Variants in LLGL2 observed in about 807,000 individuals in gnomAD.
LLGL2 encodes LLGL2, scribble cell polarity complex component.
Under a neutral mutation model 123.2 loss-of-function variants are expected in LLGL2, and 81 were observed. The ratio of observed to expected loss-of-function variants is 0.66; its 90% CI spans 0.55 to 0.79. The LOEUF (loss-of-function observed/expected upper bound fraction) is 0.79. Among genes scored for constraint, LLGL2 ranks in the 30% least tolerant of loss-of-function variants. The probability of loss-of-function intolerance (pLI) is 0.00; values close to 1 mark genes in which losing one functional copy is unlikely to be tolerated. For missense variants in LLGL2, 1,273 were observed against 1,414.6 expected, an observed-to-expected ratio of 0.90 and a Z score of 1.61; for synonymous variants, 577 against 594.1, an observed-to-expected ratio of 0.97 and a Z score of 0.42.
At position 75,558,633 on chromosome 17, in the gene LLGL2, G is replaced by T. The variant is rs151168645; in HGVS notation, c.371+6G>T. 1 of 1,587,252 alleles carries T rather than the reference G, an allele frequency of 6.3e-7. No homozygotes were observed. Among genetic ancestry groups the T allele is most frequent in the Non-Finnish European group, 8.6e-7 (1 of 1,165,888 alleles). Reference sequence around the variant, plus strand: ...ACACTGCGTGGACCCCCAGGGTAAGGGCTCAATCCCCAGCCCCTTCCACTC... The same window carrying T: ...ACACTGCGTGGACCCCCAGGGTAAGTGCTCAATCCCCAGCCCCTTCCACTC... On this transcript the variant is annotated splice_donor_region_variant and intron_variant, in intron 5 of 25. Transcript: ENST00000392550. This position sits in a 1 kb window ranked among gnomAD's most constrained non-coding sequence, Gnocchi z 4.0.
chr17:75,532,991 T>C (rs1435273302), intron 1 of LLGL2, among the ~76,000 whole-genome samples: 4 of 152,170 alleles, frequency 2.6e-5, no homozygotes, highest in Non-Finnish European at 5.9e-5. Flanking sequence ...TGTTCGTTCA[T>C]TCATTCAAGT....
intron 1 of LLGL2, among the ~76,000 whole-genome samples, chr17:75,536,888 C>T (rs1483331213): frequency 1.3e-5 from 2 of 152,020 alleles, no homozygotes; most frequent in East Asian, 1.9e-4. Context: ...AGTGCAGTGG[C>T]GCTATCTGGG....
Position 75,564,680 on chromosome 17 carries a change from T to C in LLGL2, c.1036+173T>C, listed in dbSNP as rs576237283. The C allele has an allele frequency of 6.5e-6, 7 of 1,078,252 alleles. No individual in the cohort carries two copies. In the East Asian group the frequency reaches 1.1e-4, roughly 17 times the overall value. The allele number at this position is 1,078,252 out of a possible 1,614,324, so 66.8% of individuals were successfully genotyped here. ...GAGTTCAAGTCCAGCCTGGACAACG[T>C]AGGGAGACCCTTGTCTCTACAAAAA... is the stretch of plus-strand genomic sequence containing the variant. On this transcript the variant is annotated intron_variant, in intron 10 of 25. Coordinates refer to ENST00000392550, the MANE Select transcript of LLGL2 (RefSeq NM_001031803.2). The surrounding 1 kb of genome is among the most constrained non-coding windows in gnomAD (Gnocchi z 4.9).
intron 2 of LLGL2, among the ~76,000 whole-genome samples, chr17:75,546,635 C>CGGTGGGAT (rs2054439607): frequency 1.4e-4 from 5 of 35,806 alleles, no homozygotes; most frequent in South Asian, 1.3e-3. Flanking sequence ...GTCCAGCAGA[C>CGGTGGGAT]AGGCGGAGGG....
chr17:75,565,121 G>T (rs751886332), intron 10 of LLGL2, among the ~76,000 whole-genome samples: 9 of 152,292 alleles, frequency 5.9e-5, no homozygotes, highest in East Asian at 1.9e-4. Flanking sequence ...CACCCACCCC[G>T]CTGAGGCAAG....
intron 14 of LLGL2, 116 bp downstream of exon 14, chr17:75,569,441 T>A: frequency 3.7e-6 from 3 of 821,492 alleles, no homozygotes; most frequent in Non-Finnish European, 5.9e-6. Flanking sequence ...GCTTTTCCGG[T>A]GGATGGAGGT....
At chr17:75,527,775 CTT>C (rs138872671) in intron 1 of LLGL2, among the ~76,000 whole-genome samples, 136 of 147,294 alleles carry the variant, frequency 9.2e-4, no homozygotes, top group African/African-American at 3.2e-3. Flanking sequence ...CTGTTAGTAA[CTT>C]TTTTTTTTTC....
chr17:75,536,189 C>G (rs550800171), intron 1 of LLGL2, among the ~76,000 whole-genome samples: 77 of 152,250 alleles, frequency 5.1e-4, no homozygotes, highest in African/African-American at 1.8e-3. Flanking sequence ...TCCTGAGAAG[C>G]CTCATCTCAG....
Position 75,569,125 on chromosome 17 carries a change from C to G in LLGL2, c.1470C>G (p.Leu490=). The G allele has an allele frequency of 6.2e-7, 1 of 1,613,472 alleles. No individual in the cohort carries two copies. Among genetic ancestry groups the G allele is most frequent in the African/African-American group, 1.3e-5 (1 of 75,058 alleles). The change falls in exon 13 of 26, where the codon CTC becomes CTG. Residue 490 remains leucine, a synonymous_variant. Coordinates refer to ENST00000392550, the MANE Select transcript of LLGL2 (RefSeq NM_001031803.2). ...SAQGEDEWPP[L]RKVGSFDPYS... ...AGGGCGAGGACGAGTGGCCCCCACT[C>G]CGCAAGGTGAGGCCAGGAGCCTGGG... is the stretch of plus-strand genomic sequence containing the variant.
intron 10 of LLGL2, among the ~76,000 whole-genome samples, chr17:75,567,762 C>T (rs761050076): frequency 1.3e-5 from 2 of 151,764 alleles, no homozygotes; most frequent in South Asian, 2.1e-4. Flanking sequence ...AGCAACATGG[C>T]GAAACCCTGT....
At position 75,569,986 on chromosome 17, in the gene LLGL2, C is replaced by T. The variant is rs558044972; in HGVS notation, c.1605C>T (p.Asp535=). Residue 535 remains aspartate, a synonymous_variant, in exon 15 of 26, where the codon GAC becomes GAT. Transcript: ENST00000392550. The stretch of plus-strand genomic sequence containing the variant: ...AGGTGCTGGTACTGGAACTGAATGA[C>T]GAGGCAGCGGAGCAGGCTGTGGAGC... ...AGQVLVLELN[D]EAAEQAVEQV... is the part of the protein sequence containing the mutation. 5.6e-6 allele frequency: 9 copies of T among 1,602,352 alleles called. No individual in the cohort carries two copies. The highest frequency in any genetic ancestry group is 2.2e-5 in the South Asian group (2 of 90,100).
At chr17:75,552,640 T>C (rs2054729580) in intron 2 of LLGL2, among the ~76,000 whole-genome samples, 2 of 152,224 alleles carry the variant, frequency 1.3e-5, no homozygotes, top group African/African-American at 2.4e-5. Context: ...GTTCAGACAT[T>C]AAATCTTTTT....
rs2054316444 is a variant in LLGL2, at chr17:75,544,047, G to A, written c.75+546G>A. On this transcript the variant is annotated intron_variant, in intron 2 of 25. Coordinates refer to ENST00000392550, the MANE Select transcript of LLGL2 (RefSeq NM_001031803.2). This position sits in a 1 kb window ranked among gnomAD's most constrained non-coding sequence, Gnocchi z 4.2. ...GAGAGGTGCCCAGGAGAATGAGCCG[G>A]AGTTGGCCTCGGACTACCCCAATCC... Among the ~76,000 whole-genome samples the A allele has an allele frequency of 6.6e-6, 1 of 152,142 alleles. No individual in the cohort carries two copies. The highest frequency in any genetic ancestry group is 1.5e-5 in the Non-Finnish European group (1 of 68,028).
Position 75,570,236 on chromosome 17 carries a change from C to T in LLGL2, c.1855C>T (p.Arg619Trp), listed in dbSNP as rs755787767. ...HGFGLFDHQQ[R>W]RQVFVKCTLH... The stretch of plus-strand genomic sequence containing the variant: ...CTTTGGCCTCTTTGACCACCAGCAG[C>T]GGCGGCAGGTCTTTGTTAAGTGAGC... The change falls in exon 15 of 26, where the codon CGG (arginine) becomes TGG (tryptophan). Residue 619 changes from arginine to tryptophan, a missense_variant. Physicochemically the swap from Arg to Trp is moderately radical, Grantham distance 101. Coordinates refer to ENST00000392550, the MANE Select transcript of LLGL2 (RefSeq NM_001031803.2). 74 of 1,600,628 alleles carry T rather than the reference C, an allele frequency of 4.6e-5. No individual in the cohort carries two copies. The highest frequency in any genetic ancestry group is 3.3e-4 in the Middle Eastern group (2 of 6,038).
intron 16 of LLGL2, 62 bp from the exon 17 acceptor site, chr17:75,570,888 G>T (rs569763665): frequency 6.5e-7 from 1 of 1,531,852 alleles, no homozygotes. Flanking sequence ...AGCACTGAGC[G>T]AAGCACTGTT....
intron 2 of LLGL2, among the ~76,000 whole-genome samples, chr17:75,553,577 C>T (rs757717235): frequency 6.6e-6 from 1 of 152,158 alleles, no homozygotes; most frequent in Non-Finnish European, 1.5e-5. Context: ...GAGGCTGCCT[C>T]ATTGTTGGGA....
At chr17:75,528,569 T>C (rs117715760) in intron 1 of LLGL2, among the ~76,000 whole-genome samples, 3,327 of 152,170 alleles carry the variant, frequency 0.022, 68 homozygotes, top group Non-Finnish European at 0.03. Context: ...AGATACCCTG[T>C]CTCTATTAAA....
intron 21 of LLGL2, 25 bp downstream of exon 21, chr17:75,573,656 T>G: frequency 8.4e-6 from 12 of 1,428,954 alleles, no homozygotes; most frequent in South Asian, 1.2e-5. Flanking sequence ...CAGAGGCCTC[T>G]CCCGCCCCTC....
At chr17:75,526,138 G>A (rs528615423) in intron 1 of LLGL2, among the ~76,000 whole-genome samples, 1 of 152,168 alleles carries the variant, frequency 6.6e-6, no homozygotes, top group East Asian at 1.9e-4. Context: ...GGGGGGCACC[G>A]CGGGCAGAGA....
Sources: allele counts gnomAD v4.1 joint callset (sites outside exome capture counted in the v4.1 genomes callset), GRCh38; gene constraint gnomAD v4.1.1; non-coding constraint Gnocchi (gnomAD v3.1); transcripts MANE v1.5; gene names NCBI Gene and HGNC (gene_info 2026-07-23, HGNC 2026-07-21).